The following SYT1 variants were observed in gnomAD, a reference collection of about 807,000 sequenced individuals.
SYT1 encodes synaptotagmin-1.
A neutral mutation model predicts 44.8 loss-of-function variants in SYT1; 8 were observed. The observed-to-expected ratio is 0.18, with a 90% CI of 0.10 to 0.32. The LOEUF (loss-of-function observed/expected upper bound fraction) is 0.32, where lower values mean the gene tolerates loss of function less well. SYT1 is among the 10% of genes least tolerant of loss of function. SYT1 has a pLI of 1.00. For missense variants in SYT1, 286 were observed against 509.3 expected (o/e 0.56, Z 4.22); for synonymous variants, 154 against 188.8 (o/e 0.82, Z 1.51).
chr12:79,103,716 G>C (rs534742620), intron 3 of SYT1, among the ~76,000 whole-genome samples: 79 of 152,114 alleles, frequency 5.2e-4, no homozygotes, highest in African/African-American at 1.9e-3. Flanking sequence ...ACCTCTTAGT[G>C]TCCAACTCAA....
chr12:79,281,774 T>G (rs1304815405), intron 4 of SYT1, among the ~76,000 whole-genome samples: 2 of 152,190 alleles, frequency 1.3e-5, no homozygotes, highest in Non-Finnish European at 2.9e-5. Context: ...CTTGAGGTCT[T>G]CTTTGTATCA....
chr12:79,045,861 T>C (rs1214702888), intron 2 of SYT1: 3 of 152,252 alleles, frequency 2.0e-5, no homozygotes, highest in African/African-American at 7.2e-5. Flanking sequence ...TAGTGTCAAC[T>C]ATTCTCTTAT....
intron 3 of SYT1, among the ~76,000 whole-genome samples, chr12:79,145,431 G>A: frequency 6.6e-6 from 1 of 151,866 alleles, no homozygotes; most frequent in South Asian, 2.1e-4. Context: ...ATTTTTATCT[G>A]ATTCTTTCTA....
intron 3 of SYT1, among the ~76,000 whole-genome samples, chr12:79,137,092 C>CTTT (rs550391525): frequency 1.4e-5 from 2 of 145,312 alleles, no homozygotes; most frequent in Non-Finnish European, 1.5e-5. Context: ...ATACTTGGAA[C>CTTT]TTTTTTTTTT....
intron 3 of SYT1, among the ~76,000 whole-genome samples, chr12:79,118,940 C>T (rs377616512): frequency 9.2e-5 from 14 of 152,318 alleles, no homozygotes; most frequent in African/African-American, 3.4e-4. Flanking sequence ...GCCTACTAAA[C>T]ATCTCTTCCT....
At position 79,412,471 on chromosome 12, in the gene SYT1, C is replaced by T. The variant is rs910944013; in HGVS notation, c.929-31602C>T. ...TTCTATGTATTGGGAGACTACTTTC[C>T]CTGGGGCTGGCTGCAACCAATTATT... is the stretch of plus-strand genomic sequence containing the variant. On this transcript the variant is annotated intron_variant, in intron 9 of 10. Transcript: ENST00000261205. Among the ~76,000 whole-genome samples, 3 of 152,076 alleles carry T rather than the reference C, an allele frequency of 2.0e-5. No homozygotes were observed. In the South Asian group the frequency reaches 6.2e-4, roughly 32 times the overall value.
intron 2 of SYT1, among the ~76,000 whole-genome samples, chr12:79,038,641 A>T (rs572618788): frequency 2.3e-4 from 35 of 151,998 alleles, no homozygotes; most frequent in African/African-American, 8.2e-4. Context: ...CAGTTTTGGC[A>T]TTTCAATGGG....
At chr12:79,195,585 A>T (rs1434932564) in intron 3 of SYT1, among the ~76,000 whole-genome samples, 1 of 152,000 alleles carries the variant, frequency 6.6e-6, no homozygotes, top group East Asian at 1.9e-4. Context: ...GTTCAGAAAC[A>T]TGGGGACTAT....
intron 5 of SYT1, among the ~76,000 whole-genome samples, chr12:79,286,328 T>C (rs1366679734): frequency 2.0e-5 from 3 of 152,210 alleles, no homozygotes; most frequent in African/African-American, 7.2e-5. Flanking sequence ...TGTTTTGCAT[T>C]TGGGCAGGGG....
intron 2 of SYT1, among the ~76,000 whole-genome samples, chr12:79,029,729 A>G (rs1197255149): frequency 6.6e-6 from 1 of 151,202 alleles, no homozygotes; most frequent in Non-Finnish European, 1.5e-5. Context: ...ATGTTATTCT[A>G]AGAATTCTCA....
chr12:79,348,848 A>G (rs1882719202), intron 8 of SYT1, among the ~76,000 whole-genome samples: 1 of 151,048 alleles, frequency 6.6e-6, no homozygotes, highest in Admixed American at 6.6e-5. Context: ...TCATATTGAC[A>G]TGGATGTGGA....
At chr12:78,982,419 T>A (rs1170714032) in intron 2 of SYT1, among the ~76,000 whole-genome samples, 1 of 152,136 alleles carries the variant, frequency 6.6e-6, no homozygotes, top group Non-Finnish European at 1.5e-5. Context: ...GTGAATAAGA[T>A]TGGGAAAAAA....
intron 1 of SYT1, among the ~76,000 whole-genome samples, chr12:78,947,511 G>C (rs1051025686): frequency 9.0e-6 from 1 of 110,808 alleles, no homozygotes. Flanking sequence ...CTGACAAAAG[G>C]TTGAATCTAG....
intron 4 of SYT1, among the ~76,000 whole-genome samples, chr12:79,280,382 T>C (rs1393668144): frequency 5.3e-5 from 8 of 151,982 alleles, no homozygotes; most frequent in African/African-American, 1.4e-4. Flanking sequence ...ACAAAGCCGA[T>C]GAGAACATAC....
intron 4 of SYT1, among the ~76,000 whole-genome samples, chr12:79,247,694 A>G (rs530223689): frequency 6.6e-6 from 1 of 152,322 alleles, no homozygotes; most frequent in South Asian, 2.1e-4. Context: ...GTACACAACA[A>G]TGGCAGTGGA....
chr12:78,935,812 CAT>C (rs561872028), intron 1 of SYT1, among the ~76,000 whole-genome samples: 1 of 151,850 alleles, frequency 6.6e-6, no homozygotes, highest in African/African-American at 2.4e-5. Flanking sequence ...GAGCTACAAA[CAT>C]ATATAAAAAC....
intron 4 of SYT1, among the ~76,000 whole-genome samples, chr12:79,280,895 A>G (rs1369012644): frequency 1.3e-5 from 2 of 152,016 alleles, no homozygotes; most frequent in East Asian, 3.9e-4. Flanking sequence ...CATATGAAAA[A>G]AATGCTCCAC....
intron 9 of SYT1, among the ~76,000 whole-genome samples, chr12:79,355,065 T>A (rs1883058457): frequency 6.6e-6 from 1 of 151,930 alleles, no homozygotes; most frequent in Non-Finnish European, 1.5e-5. Context: ...TGAGTTCCCA[T>A]CATCATAGAG....
intron 4 of SYT1, 61 bp downstream of exon 4, chr12:79,217,746 G>A: frequency 3.5e-6 from 5 of 1,447,258 alleles, no homozygotes; most frequent in South Asian, 1.4e-5. Flanking sequence ...CCCATCCATT[G>A]GAAAGAAAGT....
Sources: allele counts gnomAD v4.1 joint callset (sites outside exome capture counted in the v4.1 genomes callset), GRCh38; gene constraint gnomAD v4.1.1; transcripts MANE v1.5; gene names NCBI Gene and HGNC (gene_info 2026-07-23, HGNC 2026-07-21).